The following ATP8B3 variants were observed in gnomAD, a reference collection of about 807,000 sequenced individuals.
ATP8B3 encodes ATPase phospholipid transporting 8B3, also known as phospholipid-transporting ATPase IK.
ATP8B3 carries 141 observed loss-of-function variants against 140.9 expected under a neutral mutation model. The observed-to-expected ratio is 1.00, with a 90% CI of 0.87 to 1.15. The LOEUF (loss-of-function observed/expected upper bound fraction) is 1.15, where lower values mean the gene tolerates loss of function less well. Ranked by LOEUF, ATP8B3 falls within the 50% of genes most tolerant of loss-of-function variation. The probability of loss-of-function intolerance (pLI) is 0.00; values close to 1 mark genes in which losing one functional copy is unlikely to be tolerated. For missense variants in ATP8B3, 1,874 were observed against 1,740.6 expected (o/e 1.08, Z -1.36); for synonymous variants, 765 against 714.6 (o/e 1.07, Z -1.13).
intron 14 of ATP8B3, 111 bp downstream of exon 14, chr19:1,799,836 G>T: frequency 1.8e-6 from 2 of 1,136,300 alleles, no homozygotes; most frequent in Non-Finnish European, 2.5e-6. Flanking sequence ...CCCTGGTTCA[G>T]ATTCGGGCGG....
intron 21 of ATP8B3, 32 bp from the exon 22 acceptor site, chr19:1,790,021 A>G (rs889989960): frequency 9.0e-6 from 9 of 996,242 alleles, no homozygotes; most frequent in Admixed American, 1.7e-5. Context: ...GGGGCAGGGG[A>G]GGGGGCGGGC....
intron 24 of ATP8B3, among the ~76,000 whole-genome samples, chr19:1,788,635 G>A (rs769745519): frequency 4.6e-5 from 7 of 152,228 alleles, no homozygotes; most frequent in African/African-American, 7.2e-5. Context: ...GGGTGACAGA[G>A]TGAGACTCTG....
chr19:1,795,279 C>T (rs1228935232), intron 18 of ATP8B3, among the ~76,000 whole-genome samples: 1 of 151,544 alleles, frequency 6.6e-6, no homozygotes, highest in Non-Finnish European at 1.5e-5. Flanking sequence ...AGGCTGGGCG[C>T]GATGGCTCAT....
rs570329140 is a variant in ATP8B3 at position 1,791,691 on chromosome 19, G to A, written c.2302+59C>T. On this transcript the variant is annotated intron_variant, in intron 20 of 28. Coordinates refer to ENST00000310127, the MANE Select transcript of ATP8B3 (RefSeq NM_138813.4). Reference sequence around the variant, plus strand: ...GACAGGTGTGAGCCTTCAAACTTCAGGGAAGTTTGAAGACCCATGCTGCAG... The same window carrying A: ...GACAGGTGTGAGCCTTCAAACTTCAAGGAAGTTTGAAGACCCATGCTGCAG... 2.3e-6 allele frequency: 3 copies of A among 1,316,870 alleles called. No individual in the cohort carries two copies. The African/African-American group carries it at 4.3e-5, about 19-fold the overall frequency. 81.6% of individuals were successfully genotyped at this position (1,316,870 alleles called of 1,614,324 possible).
chr19:1,783,284 G>A lies in ATP8B3; in HGVS notation c.3661-14C>T, dbSNP rs757316643. 1.9e-6 allele frequency: 3 copies of A among 1,601,800 alleles called. No homozygotes were observed. The highest frequency in any genetic ancestry group is 3.4e-5 in the Admixed American group (2 of 58,186). On this transcript the variant is annotated splice_polypyrimidine_tract_variant and intron_variant, in intron 28 of 28. Transcript: ENST00000310127. ...CACCTTCTCCTCCTGAAGAGCAAAG[G>A]GGAGAGCAGGGGAAGCAGACTCCTA...
rs1020575446 is a variant in ATP8B3 at position 1,805,222 on chromosome 19, G to T, written c.904+152C>A. 2.7e-6 allele frequency: 2 copies of T among 735,672 alleles called. No homozygotes were observed. The highest frequency in any genetic ancestry group is 4.1e-5 in the Admixed American group (2 of 49,248). The allele number at this position is 735,672 out of a possible 1,614,324, so 45.6% of individuals were successfully genotyped here. The stretch of plus-strand genomic sequence containing the variant: ...ATTCCTGGGCTGAAGTGATTCTCCT[G>T]CCTCAGCCTCCCAAAGTGCTGGGAT... On this transcript the variant is annotated intron_variant, in intron 10 of 28. Coordinates refer to ENST00000310127, the MANE Select transcript of ATP8B3 (RefSeq NM_138813.4). The surrounding 1 kb of genome is among the most constrained non-coding windows in gnomAD (Gnocchi z 5.2).
chr19:1,791,918 G>T, intron 19 of ATP8B3, 57 bp from the exon 20 acceptor site: 4 of 1,600,096 alleles, frequency 2.5e-6, no homozygotes, highest in Non-Finnish European at 3.4e-6. Context: ...CAGCTCCCTG[G>T]CGGGGGCAGG....
In ATP8B3 at chr19:1,785,388, G is replaced by A. The variant is rs998540842; in HGVS notation, c.3393+81C>T. On this transcript the variant is annotated intron_variant, in intron 26 of 28. Coordinates refer to ENST00000310127, the MANE Select transcript of ATP8B3 (RefSeq NM_138813.4). ...GGGTCCAGGAAGGGCACCTGGCAAT[G>A]CCCCCAAAGCAGGGGTCCCCAGGGG... The A allele has an allele frequency of 5.8e-6, 9 of 1,558,804 alleles. No individual in the cohort carries two copies. The African/African-American group carries it at 6.8e-5, about 12-fold the overall frequency.
chr19:1,785,122 C>A, intron 27 of ATP8B3, 37 bp downstream of exon 27: 1 of 1,510,078 alleles, frequency 6.6e-7, no homozygotes, highest in Non-Finnish European at 8.9e-7. Context: ...CTCCCCTGCA[C>A]CACGACCGCC....
In ATP8B3 at chr19:1,800,113, C is replaced by A; in HGVS notation, c.1386G>T (p.Trp462Cys). Residue 462 changes from tryptophan (W) to cysteine (C), a missense_variant, in exon 14 of 29, where the codon TGG becomes TGT. By Grantham distance (215) the Trp-to-Cys change is radical. Transcript: ENST00000310127. The surrounding 1 kb of genome is among the most constrained non-coding windows in gnomAD (Gnocchi z 4.4). ...IYLGNSVFIDWDVQMYYKPQD... is the reference protein window; with the variant it reads ...IYLGNSVFIDCDVQMYYKPQD... ...GCGGCTTGTAGTACATCTGCACGTC[C>A]CAGTCGATGAAGACGCTGTTCCCCA... 1 of 1,564,364 alleles carries A rather than the reference C, an allele frequency of 6.4e-7. No homozygotes were observed. The highest frequency in any genetic ancestry group is 8.7e-7 in the Non-Finnish European group (1 of 1,154,494).
intron 28 of ATP8B3, 102 bp downstream of exon 28, chr19:1,784,717 G>A (rs1694166678): frequency 3.3e-5 from 46 of 1,406,282 alleles, no homozygotes; most frequent in Non-Finnish European, 4.3e-5. Context: ...TTGGAGGGCC[G>A]AGAGGGGCCG....
In ATP8B3 at chr19:1,805,079, G is replaced by A. The variant is rs1453814484; in HGVS notation, c.904+295C>T. The A allele has an allele frequency of 4.8e-6, 2 of 415,166 alleles. No homozygotes were observed. Among genetic ancestry groups the A allele is most frequent in the East Asian group, 1.1e-4 (2 of 18,586 alleles). The allele number at this position is 415,166 out of a possible 1,614,324, so 25.7% of individuals were successfully genotyped here. A position where few individuals can be genotyped will look rare whatever the true frequency, so the allele number is the denominator to read the frequency against. Reference sequence around the variant, plus strand: ...AGCCTCAGCCTCCCTGAGCTCAAGCGAGCCTCCCACCTCAGCCTCCCAAGT... The same window carrying A: ...AGCCTCAGCCTCCCTGAGCTCAAGCAAGCCTCCCACCTCAGCCTCCCAAGT... On this transcript the variant is annotated intron_variant, in intron 10 of 28. Coordinates refer to ENST00000310127, the MANE Select transcript of ATP8B3 (RefSeq NM_138813.4). The surrounding 1 kb of genome is among the most constrained non-coding windows in gnomAD (Gnocchi z 5.2).
chr19:1,804,250 T>C (rs1419438104), intron 10 of ATP8B3, among the ~76,000 whole-genome samples: 1 of 151,986 alleles, frequency 6.6e-6, no homozygotes, highest in Non-Finnish European at 1.5e-5. Context: ...CCCCAGAACT[T>C]TGTGAGGCCA....
Position 1,802,711 on chromosome 19 carries a change from G to A in ATP8B3, c.905-66C>T, listed in dbSNP as rs753267246. On this transcript the variant is annotated intron_variant, in intron 10 of 28. Coordinates refer to ENST00000310127, the MANE Select transcript of ATP8B3 (RefSeq NM_138813.4). ...CCCTCCTCCCCAGGTTCCCTGCACC[G>A]GGTGCAGGTGAGAACATTCCGGCCA... is the stretch of plus-strand genomic sequence containing the variant. 6.7e-5 allele frequency: 102 copies of A among 1,525,422 alleles called. No individual in the cohort carries two copies. In the Admixed American group the frequency reaches 9.0e-4, roughly 13 times the overall value. 94.5% of individuals were successfully genotyped at this position (1,525,422 alleles called of 1,614,324 possible).
chr19:1,798,818 G>A (rs1333951237), intron 14 of ATP8B3: 2 of 151,962 alleles, frequency 1.3e-5, no homozygotes, highest in African/African-American at 4.8e-5. Flanking sequence ...TCGAATTTCA[G>A]CATCCACAAA....
Position 1,808,148 on chromosome 19 carries a change from C to T in ATP8B3, c.516+74G>A, listed in dbSNP as rs1600482984. The T allele has an allele frequency of 5.7e-6, 7 of 1,230,022 alleles. No individual in the cohort carries two copies. The East Asian group carries it at 1.8e-4, about 31-fold the overall frequency. The allele number at this position is 1,230,022 out of a possible 1,614,324, so 76.2% of individuals were successfully genotyped here. A position where few individuals can be genotyped will look rare whatever the true frequency, so the allele number is the denominator to read the frequency against. ...TGTGGGGAGTGGGACGTGAACCCACCCATCACACAGACAAACACATCGATG... is the reference window on the plus strand; with the variant it reads ...TGTGGGGAGTGGGACGTGAACCCACTCATCACACAGACAAACACATCGATG... On this transcript the variant is annotated intron_variant, in intron 5 of 28. Transcript: ENST00000310127.
At chr19:1,791,177 T>C (rs530775275) in intron 20 of ATP8B3, among the ~76,000 whole-genome samples, 19 of 152,208 alleles carry the variant, frequency 1.2e-4, no homozygotes, top group Admixed American at 3.3e-4. Flanking sequence ...TATGTTTCCC[T>C]GGGCTGGCTC....
At position 1,788,521 on chromosome 19, in the gene ATP8B3, A is replaced by T. The variant is rs529028496; in HGVS notation, c.3069+376T>A. Among the ~76,000 whole-genome samples the T allele has an allele frequency of 2.0e-5, 3 of 152,190 alleles. No homozygotes were observed. The South Asian group carries it at 6.2e-4, about 32-fold the overall frequency. On this transcript the variant is annotated intron_variant, in intron 24 of 28. Coordinates refer to ENST00000310127, the MANE Select transcript of ATP8B3 (RefSeq NM_138813.4). ...AAAAATTAGCCAGGCGTGATGGTAC[A>T]CGCCTGTAATCCCAGCTACTTGGGA...
Position 1,789,010 on chromosome 19 carries a change from C to A in ATP8B3, c.2956G>T (p.Gly986Cys). Reference protein sequence around the residue: ...CFLQRLLLVHGRWSYVRICKF... With the variant: ...CFLQRLLLVHCRWSYVRICKF... ...CAGATCCGCACGTAGGACCAGCGGC[C>A]GTGCACCAGCAGGAGGCGCTGCAGG... The change falls in exon 24 of 29, where the codon GGC becomes TGC. Residue 986 changes from glycine to cysteine, a missense_variant. This residue lies in a region of ATP8B3 where 840 missense variants were observed against 760.9 expected (regional missense o/e 1.10). Transcript: ENST00000310127. The A allele has an allele frequency of 6.2e-7, 1 of 1,610,078 alleles. No individual in the cohort carries two copies. The highest frequency in any genetic ancestry group is 1.1e-5 in the South Asian group (1 of 90,392).
Sources: allele counts gnomAD v4.1 joint callset (sites outside exome capture counted in the v4.1 genomes callset), GRCh38; gene constraint gnomAD v4.1.1; regional missense constraint gnomAD v4.1.1; non-coding constraint Gnocchi (gnomAD v3.1); transcripts MANE v1.5; gene names NCBI Gene and HGNC (gene_info 2026-07-23, HGNC 2026-07-21).